The following TESK2 variants were observed in gnomAD, a reference collection of about 807,000 sequenced individuals.
TESK2 encodes the protein dual specificity testis-specific protein kinase 2.
A neutral mutation model predicts 57.1 loss-of-function variants in TESK2; 39 were observed. The observed-to-expected ratio is 0.68, with a 90% confidence interval of 0.53 to 0.89. The LOEUF is 0.89. Ranked by LOEUF, TESK2 falls within the 40% of genes least tolerant of loss-of-function variation. The probability of loss-of-function intolerance (pLI) is 0.00; values close to 1 mark genes in which losing one functional copy is unlikely to be tolerated. For missense variants in TESK2, 646 were observed against 732.1 expected, an observed-to-expected ratio of 0.88 and a Z score of 1.36; for synonymous variants, 249 against 267.9, an observed-to-expected ratio of 0.93 and a Z score of 0.69.
chr1:45,346,782 G>A lies in TESK2; in HGVS notation c.793-3C>T, dbSNP rs1355030520. On this transcript the variant is annotated splice_region_variant and splice_polypyrimidine_tract_variant and intron_variant, in intron 8 of 10. Transcript: ENST00000372086. ...GCATCATAGTCCAGCCCGAAATTCT[G>A]TGGATGGGTATGGAAAGCATAGGTA... The A allele has an allele frequency of 1.9e-6, 3 of 1,613,700 alleles. No homozygotes were observed. The highest frequency in any genetic ancestry group is 1.7e-6 in the Non-Finnish European group (2 of 1,179,678).
In TESK2 at chr1:45,345,140, C is replaced by A. The variant is rs1385602074; in HGVS notation, c.1416G>T (p.Val472=). 2 of 1,614,052 alleles carry A rather than the reference C, an allele frequency of 1.2e-6. No individual in the cohort carries two copies. The highest frequency in any genetic ancestry group is 2.7e-5 in the African/African-American group (2 of 74,926). ...CATCAGATAGCGATTCTTCCCGGCC[C>A]ACAAATGGACAAGCCTCTTGATGCA... The part of the protein sequence containing the change: ...EFLHQEACPF[V]GREESLSDGP... The change falls in exon 11 of 11, where the codon GTG becomes GTT. Residue 472 remains valine (V), a synonymous_variant. Transcript: ENST00000372086.
chr1:45,467,006 G>T (rs568776245), intron 1 of TESK2, among the ~76,000 whole-genome samples: 1 of 152,016 alleles, frequency 6.6e-6, no homozygotes, highest in South Asian at 2.1e-4. Flanking sequence ...ACATCTAAAA[G>T]CATGAACTAA....
At chr1:45,478,591 A>G (rs552651024) in intron 1 of TESK2, among the ~76,000 whole-genome samples, 5 of 152,206 alleles carry the variant, frequency 3.3e-5, no homozygotes, top group African/African-American at 7.2e-5. Context: ...CAGCCAACAT[A>G]TATTTATTTA....
chr1:45,458,112 CA>C (rs1486841013), intron 1 of TESK2, among the ~76,000 whole-genome samples: 1 of 152,128 alleles, frequency 6.6e-6, no homozygotes, highest in Non-Finnish European at 1.5e-5. Flanking sequence ...AACAAAATAA[CA>C]ATGATAATAT....
chr1:45,365,550 G>T (rs977389571), intron 4 of TESK2, among the ~76,000 whole-genome samples: 15 of 148,046 alleles, frequency 1.0e-4, no homozygotes, highest in Admixed American at 5.3e-4. Context: ...AGTTTCCCTC[G>T]TTGCCCAGGC....
chr1:45,384,634 C>T (rs1477477636), intron 4 of TESK2, among the ~76,000 whole-genome samples: 1 of 82,918 alleles, frequency 1.2e-5, no homozygotes, highest in African/African-American at 4.8e-5. Flanking sequence ...TTTGTAGAGA[C>T]AGAGCCTTGC....
intron 2 of TESK2, among the ~76,000 whole-genome samples, chr1:45,447,780 T>G (rs1651697633): frequency 6.6e-6 from 1 of 152,140 alleles, no homozygotes; most frequent in Non-Finnish European, 1.5e-5. Flanking sequence ...GGTAATACAT[T>G]GCACTATGAT....
chr1:45,470,757 G>T (rs1482860177), intron 1 of TESK2, among the ~76,000 whole-genome samples: 2 of 152,228 alleles, frequency 1.3e-5, no homozygotes, highest in African/African-American at 4.8e-5. Flanking sequence ...GCCACTAGGT[G>T]CAAGGCTTTA....
intron 3 of TESK2, among the ~76,000 whole-genome samples, chr1:45,390,765 GTTA>G (rs1649103216): frequency 6.7e-6 from 1 of 149,494 alleles, no homozygotes; most frequent in African/African-American, 2.5e-5. Context: ...TATTATTATT[GTTA>G]TTGTTATTAT....
At chr1:45,475,098 G>A (rs1020453905) in intron 1 of TESK2, among the ~76,000 whole-genome samples, 2 of 149,012 alleles carry the variant, frequency 1.3e-5, no homozygotes, top group Non-Finnish European at 3.0e-5. Flanking sequence ...GAAAAGAAAG[G>A]CAACTCACCT....
chr1:45,424,765 C>G (rs533283140), intron 2 of TESK2, among the ~76,000 whole-genome samples: 1 of 152,096 alleles, frequency 6.6e-6, no homozygotes. Context: ...GTTCAACATA[C>G]GTAAATCAAT....
intron 3 of TESK2, among the ~76,000 whole-genome samples, chr1:45,404,702 C>G (rs1649764817): frequency 6.6e-6 from 1 of 151,926 alleles, no homozygotes; most frequent in Non-Finnish European, 1.5e-5. Context: ...CGCCACCACG[C>G]CGGGCTATTT....
intron 1 of TESK2, among the ~76,000 whole-genome samples, chr1:45,467,942 A>T (rs1652619816): frequency 6.6e-6 from 1 of 152,056 alleles, no homozygotes; most frequent in African/African-American, 2.4e-5. Flanking sequence ...TTAGAGGCTC[A>T]GGCAGGATGA....
At chr1:45,359,902 C>T (rs16832513) in intron 4 of TESK2, among the ~76,000 whole-genome samples, 4,634 of 151,698 alleles carry the variant, frequency 0.031, 103 homozygotes, top group Non-Finnish European at 0.048. Context: ...GAAAGCGCTT[C>T]GAAAAAAATT....
intron 1 of TESK2, among the ~76,000 whole-genome samples, chr1:45,470,945 G>T (rs1362377200): frequency 6.6e-6 from 1 of 152,140 alleles, no homozygotes; most frequent in Non-Finnish European, 1.5e-5. Flanking sequence ...CCAAGAAGTG[G>T]TAGAAGGCTG....
chr1:45,460,480 A>G (rs1435380871), intron 1 of TESK2, among the ~76,000 whole-genome samples: 1 of 152,166 alleles, frequency 6.6e-6, no homozygotes, highest in Non-Finnish European at 1.5e-5. Context: ...AGATCATGCC[A>G]TTGTACTCCA....
At chr1:45,401,832 A>C (rs1649632278) in intron 3 of TESK2, among the ~76,000 whole-genome samples, 1 of 152,158 alleles carries the variant, frequency 6.6e-6, no homozygotes. Flanking sequence ...CGAACCAATG[A>C]AAATCTACCT....
chr1:45,359,491 C>T (rs934613925), intron 4 of TESK2, among the ~76,000 whole-genome samples: 1 of 151,236 alleles, frequency 6.6e-6, no homozygotes, highest in African/African-American at 2.4e-5. Context: ...ACCCGGGAGG[C>T]GGAGGCTGCA....
intron 2 of TESK2, among the ~76,000 whole-genome samples, chr1:45,446,203 G>C (rs1262261528): frequency 6.8e-6 from 1 of 146,934 alleles, no homozygotes; most frequent in African/African-American, 2.5e-5. Context: ...TCACTATTCT[G>C]CCCAGGATAG....
Sources: allele counts gnomAD v4.1 joint callset (sites outside exome capture counted in the v4.1 genomes callset), GRCh38; gene constraint gnomAD v4.1.1; transcripts MANE v1.5; gene names NCBI Gene and HGNC (gene_info 2026-07-23, HGNC 2026-07-21).